The following SYNPO2 variants were observed in gnomAD, a reference collection of about 807,000 sequenced individuals.
The protein encoded by SYNPO2 is synaptopodin-2.
In SYNPO2, 56 loss-of-function variants were observed where a neutral mutation model predicts 85.0. That is an observed-to-expected ratio of 0.66 (90% CI 0.53 to 0.82). The LOEUF (loss-of-function observed/expected upper bound fraction) is 0.82, where lower values mean the gene tolerates loss of function less well. Among genes scored for constraint, SYNPO2 ranks in the 40% least tolerant of loss-of-function variants. The pLI, the probability that SYNPO2 is intolerant of heterozygous loss-of-function variation, is 0.00. For synonymous variants in SYNPO2, 602 were observed against 591.1 expected (o/e 1.02, Z -0.27); for missense variants, 1,575 against 1,534.2 (o/e 1.03, Z -0.44).
chr4:119,038,298 G>A (rs17330146), intron 4 of SYNPO2: 1 of 944,196 alleles, frequency 1.1e-6, no homozygotes, highest in Non-Finnish European at 1.3e-6. Flanking sequence ...AGATGGCTCA[G>A]AAAATCAGAT....
At chr4:118,922,031 C>G (rs1315509123) in intron 1 of SYNPO2, among the ~76,000 whole-genome samples, 1 of 152,058 alleles carries the variant, frequency 6.6e-6, no homozygotes, top group Non-Finnish European at 1.5e-5. Flanking sequence ...CTGGGAGTGC[C>G]TTGAGGGTTG....
chr4:119,009,587 T>C (rs1271335510), intron 1 of SYNPO2, among the ~76,000 whole-genome samples: 2 of 152,238 alleles, frequency 1.3e-5, no homozygotes, highest in East Asian at 1.9e-4. Context: ...AAGTATTTTA[T>C]AGAAAATAAC....
intron 1 of SYNPO2, among the ~76,000 whole-genome samples, chr4:118,918,292 A>T (rs1733421206): frequency 6.6e-6 from 1 of 152,158 alleles, no homozygotes; most frequent in South Asian, 2.1e-4. Flanking sequence ...CCAGGTGTGT[A>T]TATTTATATA....
At chr4:118,956,874 G>A (rs539450728) in intron 1 of SYNPO2, among the ~76,000 whole-genome samples, 2 of 151,888 alleles carry the variant, frequency 1.3e-5, no homozygotes, top group South Asian at 4.2e-4. Context: ...GTGAAACTCC[G>A]TCTCTACTAA....
intron 4 of SYNPO2, chr4:119,035,098 T>A (rs1738453698): frequency 1.0e-6 from 1 of 985,462 alleles, no homozygotes; most frequent in Non-Finnish European, 1.2e-6. Context: ...TTATGTATAT[T>A]ATCCCAAATC....
At chr4:118,961,333 C>T (rs977725342) in intron 1 of SYNPO2, among the ~76,000 whole-genome samples, 6 of 152,130 alleles carry the variant, frequency 3.9e-5, no homozygotes, top group Non-Finnish European at 8.8e-5. Context: ...TGTTCTGCTG[C>T]CTCATCTCTG....
intron 4 of SYNPO2, chr4:119,036,993 A>T: frequency 1.5e-6 from 2 of 1,330,462 alleles, no homozygotes; most frequent in Non-Finnish European, 1.9e-6. Context: ...TTTGTTATTA[A>T]TATAGGTAAT....
chr4:118,964,296 CA>C (rs879610859), intron 1 of SYNPO2, among the ~76,000 whole-genome samples: 1,546 of 108,030 alleles, frequency 0.014, 64 homozygotes, highest in Admixed American at 0.11. Context: ...AAAACACACA[CA>C]ACACACACAC....
chr4:118,967,167 T>C (rs1011446427), intron 1 of SYNPO2, among the ~76,000 whole-genome samples: 11 of 152,216 alleles, frequency 7.2e-5, no homozygotes, highest in Non-Finnish European at 1.6e-4. Flanking sequence ...ACTCAGCTAC[T>C]GAGTTAATTT....
rs114207128 is a variant in SYNPO2, at chr4:118,939,050, A to G, written c.105+49909A>G. Among the ~76,000 whole-genome samples, 957 of 152,274 alleles carry G rather than the reference A, an allele frequency of 6.3e-3. 17 individuals are homozygous for G. Among genetic ancestry groups the G allele is most frequent in the African/African-American group, 0.022 (912 of 41,540 alleles). ...GGATTATGATGGTGTACAGATTTTC[A>G]CTGTCAGACACCTTCCTTTGGGTAA... On this transcript the variant is annotated intron_variant, in intron 1 of 4. Transcript: ENST00000307142.
chr4:119,022,997 C>A (rs1022996221), intron 1 of SYNPO2, among the ~76,000 whole-genome samples: 1 of 151,262 alleles, frequency 6.6e-6, no homozygotes, highest in Non-Finnish European at 1.5e-5. Context: ...AGGCTGGTCT[C>A]GAACTCCTGA....
rs199921121 is a variant in SYNPO2, at chr4:119,031,911, G to A, written c.3136G>A (p.Ala1046Thr). The change falls in exon 4 of 5, where the codon GCA (alanine) becomes ACA (threonine). Residue 1046 changes from alanine (A) to threonine (T), a missense_variant. Physicochemically the swap from Ala to Thr is moderately conservative, Grantham distance 58. Around this residue, in one of 3 missense-constraint regions of SYNPO2, gnomAD observed 1,508 missense variants for 1,446.8 expected, o/e 1.04. Coordinates refer to ENST00000307142, the MANE Select transcript of SYNPO2 (RefSeq NM_133477.3). ...FFAEASSPVS[A>T]SPVPVGIPTS... ...TGCAGAGGCCTCCTCACCAGTCAGTGCATCCCCAGTGCCTGTGGGCATTCC... is the reference window on the plus strand; with the variant it reads ...TGCAGAGGCCTCCTCACCAGTCAGTACATCCCCAGTGCCTGTGGGCATTCC... 88 of 1,614,226 alleles carry A rather than the reference G, an allele frequency of 5.5e-5. No homozygotes were observed. In the Admixed American group the frequency reaches 6.2e-4, roughly 11 times the overall value.
intron 1 of SYNPO2, among the ~76,000 whole-genome samples, chr4:118,920,774 A>AT (rs921238652): frequency 7.6e-4 from 115 of 151,152 alleles, no homozygotes; most frequent in African/African-American, 2.5e-3. Context: ...ATATGAAACC[A>AT]TTTTTTTTTG....
chr4:119,030,523 T>G lies in SYNPO2; in HGVS notation c.1748T>G (p.Val583Gly), dbSNP rs1472222065. Residue 583 changes from valine to glycine, a missense_variant, in exon 4 of 5, where the codon GTC (valine) becomes GGC (glycine). Physicochemically the swap from Val to Gly is moderately radical, Grantham distance 109. Around this residue, in one of 3 missense-constraint regions of SYNPO2, gnomAD observed 1,508 missense variants for 1,446.8 expected, o/e 1.04. Coordinates refer to ENST00000307142, the MANE Select transcript of SYNPO2 (RefSeq NM_133477.3). The stretch of plus-strand genomic sequence containing the variant: ...GAGACAGCAAACATCCAGAGGATGG[T>G]CCCCATGAATAGAACGGCCAAACCC... Reference protein sequence around the residue: ...TSETANIQRMVPMNRTAKPFP... With the variant: ...TSETANIQRMGPMNRTAKPFP... 6.2e-7 allele frequency: 1 copy of G among 1,613,894 alleles called. No individual in the cohort carries two copies. The highest frequency in any genetic ancestry group is 8.5e-7 in the Non-Finnish European group (1 of 1,180,014).
intron 1 of SYNPO2, among the ~76,000 whole-genome samples, chr4:118,858,724 G>T (rs1731555648): frequency 6.6e-6 from 1 of 152,110 alleles, no homozygotes; most frequent in Admixed American, 6.5e-5. Context: ...ATGACTTGGG[G>T]ATAATATAAA....
chr4:119,017,803 A>G (rs1360807279), intron 1 of SYNPO2, among the ~76,000 whole-genome samples: 1 of 152,192 alleles, frequency 6.6e-6, no homozygotes, highest in Non-Finnish European at 1.5e-5. Flanking sequence ...TGAATTATAC[A>G]TGAAAATGCA....
Position 119,031,784 on chromosome 4 carries a change from G to T in SYNPO2, c.3009G>T (p.Lys1003Asn), listed in dbSNP as rs1230172941. The T allele has an allele frequency of 1.2e-6, 2 of 1,614,012 alleles. No individual in the cohort carries two copies. The highest frequency in any genetic ancestry group is 3.3e-5 in the Admixed American group (2 of 59,990). Residue 1003 changes from lysine to asparagine, a missense_variant, in exon 4 of 5, where the codon AAG becomes AAT. Physicochemically the swap from Lys to Asn is moderately conservative, Grantham distance 94 (BLOSUM62 0). Transcript: ENST00000307142. ...SVKVNSALAM[K>N]QALPPRPVNA... The stretch of plus-strand genomic sequence containing the variant: ...AGGTCAATTCAGCCCTGGCCATGAA[G>T]CAAGCTCTTCCTCCCCGGCCAGTGA...
In SYNPO2 at chr4:119,030,137, C is replaced by A. The variant is rs745521159; in HGVS notation, c.1362C>A (p.Asp454Glu). The change falls in exon 4 of 5, where the codon GAC (aspartate) becomes GAA (glutamate). Residue 454 changes from aspartate (D) to glutamate (E), a missense_variant. Physicochemically the swap from Asp to Glu is conservative, Grantham distance 45. Transcript: ENST00000307142. ...EVDEELLSDVDDNTQVVNFDW... is the reference protein window; with the variant it reads ...EVDEELLSDVEDNTQVVNFDW... ...ATGAAGAGTTATTGTCTGACGTTGA[C>A]GACAACACACAAGTTGTGAACTTTG... is the stretch of plus-strand genomic sequence containing the variant. 8.1e-6 allele frequency: 13 copies of A among 1,613,874 alleles called. No homozygotes were observed. Among genetic ancestry groups the A allele is most frequent in the Non-Finnish European group, 1.1e-5 (13 of 1,179,988 alleles).
intron 1 of SYNPO2, among the ~76,000 whole-genome samples, chr4:118,968,395 A>G (rs1036436728): frequency 1.1e-4 from 16 of 152,188 alleles, no homozygotes; most frequent in Admixed American, 3.9e-4. Context: ...TTTCTCCCAG[A>G]GGTTACTGTT....
Sources: allele counts gnomAD v4.1 joint callset (sites outside exome capture counted in the v4.1 genomes callset), GRCh38; gene constraint gnomAD v4.1.1; regional missense constraint gnomAD v4.1.1; transcripts MANE v1.5; gene names NCBI Gene and HGNC (gene_info 2026-07-23, HGNC 2026-07-21).